TRIO: variants seen among roughly 807,000 people sequenced by gnomAD.
TRIO encodes the protein triple functional domain protein.
Under a neutral mutation model 351.9 loss-of-function variants are expected in TRIO, and 58 were observed. The ratio of observed to expected loss-of-function variants is 0.16; its 90% CI spans 0.13 to 0.21. The LOEUF is 0.21. Among genes scored for constraint, TRIO ranks in the 10% least tolerant of loss-of-function variants. TRIO has a pLI of 1.00. For missense variants in TRIO, 3,201 were observed against 4,027.8 expected (o/e 0.79, Z 5.56); for synonymous variants, 1,758 against 1,595.7 (o/e 1.10, Z -2.42).
At chr5:14,197,517 T>G (rs534032038) in intron 1 of TRIO, among the ~76,000 whole-genome samples, 1 of 152,320 alleles carries the variant, frequency 6.6e-6, no homozygotes, top group South Asian at 2.1e-4. Flanking sequence ...AGTCAGGGCT[T>G]TTGGTTGCAA....
In TRIO at chr5:14,291,237, G is replaced by A. The variant is rs368322561; in HGVS notation, c.1053+9G>A. On this transcript the variant is annotated intron_variant, in intron 5 of 56. Coordinates refer to ENST00000344204, the MANE Select transcript of TRIO (RefSeq NM_007118.4). ...AACAGGATGCTGAGAAGGTAAAGACGGGGGAGGCTAATGCCTCAGTGGACA... is the reference window on the plus strand; with the variant it reads ...AACAGGATGCTGAGAAGGTAAAGACAGGGGAGGCTAATGCCTCAGTGGACA... 3.4e-5 allele frequency: 55 copies of A among 1,607,236 alleles called. No individual in the cohort carries two copies. Among genetic ancestry groups the A allele is most frequent in the African/African-American group, 6.7e-5 (5 of 74,814 alleles).
At chr5:14,443,698 G>A (rs1752233198) in intron 34 of TRIO, among the ~76,000 whole-genome samples, 1 of 152,232 alleles carries the variant, frequency 6.6e-6, no homozygotes, top group African/African-American at 2.4e-5. Flanking sequence ...CTTGCTTGGA[G>A]TAATCTGCAC....
chr5:14,338,926 G>A (rs766963178), intron 11 of TRIO, among the ~76,000 whole-genome samples: 1 of 152,152 alleles, frequency 6.6e-6, no homozygotes, highest in Non-Finnish European at 1.5e-5. Context: ...TCTGAGGTAA[G>A]GGTCTAGCTT....
At chr5:14,202,294 ATTTTTTTTTTTTTTTTTTT>A (rs60827656) in intron 1 of TRIO, among the ~76,000 whole-genome samples, 118 of 33,558 alleles carry the variant, frequency 3.5e-3, no homozygotes, top group South Asian at 6.7e-3. Flanking sequence ...TATTTTTGTG[ATTTTTTTTTTTTTTTTTTT>A]TTTTTTTTTT....
At chr5:14,433,416 T>C (rs946511919) in intron 34 of TRIO, among the ~76,000 whole-genome samples, 1 of 152,164 alleles carries the variant, frequency 6.6e-6, no homozygotes, top group Admixed American at 6.5e-5. Flanking sequence ...CGGAGAAAAC[T>C]TCCTCTGAAC....
intron 1 of TRIO, among the ~76,000 whole-genome samples, chr5:14,186,783 G>A (rs766960263): frequency 2.0e-5 from 3 of 151,992 alleles, no homozygotes; most frequent in African/African-American, 4.8e-5. Flanking sequence ...TCACCATGTT[G>A]GCCAGGCTGG....
chr5:14,388,512 A>G, intron 23 of TRIO, 101 bp from the exon 24 acceptor site: 3 of 1,156,288 alleles, frequency 2.6e-6, no homozygotes, highest in Non-Finnish European at 3.8e-6. Flanking sequence ...ATCTAAGACT[A>G]ATACTTTTAG....
At chr5:14,235,149 A>G (rs1267318690) in intron 1 of TRIO, among the ~76,000 whole-genome samples, 1 of 152,138 alleles carries the variant, frequency 6.6e-6, no homozygotes, top group Non-Finnish European at 1.5e-5. Context: ...TTGTTACCCT[A>G]CCCATCCTGG....
intron 48 of TRIO, among the ~76,000 whole-genome samples, chr5:14,490,110 A>G (rs1416829793): frequency 6.6e-6 from 1 of 152,158 alleles, no homozygotes; most frequent in Non-Finnish European, 1.5e-5. Context: ...TCTACTAAAA[A>G]TAAAATTAGC....
chr5:14,455,352 G>A (rs960340317), intron 34 of TRIO, among the ~76,000 whole-genome samples: 1 of 152,086 alleles, frequency 6.6e-6, no homozygotes, highest in African/African-American at 2.4e-5. Context: ...GACACAGAGT[G>A]CTGATTGGTG....
intron 15 of TRIO, among the ~76,000 whole-genome samples, chr5:14,365,242 C>T (rs1205692194): frequency 6.6e-6 from 1 of 152,220 alleles, no homozygotes; most frequent in African/African-American, 2.4e-5. Flanking sequence ...ATACCACATC[C>T]TGATGGCATG....
chr5:14,382,986 TG>T (rs1425226676), intron 21 of TRIO, among the ~76,000 whole-genome samples: 1 of 152,176 alleles, frequency 6.6e-6, no homozygotes, highest in African/African-American at 2.4e-5. Context: ...GAACTTGCTC[TG>T]TTACCCAGGC....
At chr5:14,177,786 A>G (rs1366080859) in intron 1 of TRIO, among the ~76,000 whole-genome samples, 1 of 152,092 alleles carries the variant, frequency 6.6e-6, no homozygotes, top group Admixed American at 6.6e-5. Context: ...GGCTGAGTAT[A>G]TGGACTGCAG....
intron 10 of TRIO, among the ~76,000 whole-genome samples, chr5:14,336,073 T>C (rs574930253): frequency 5.3e-5 from 8 of 152,360 alleles, no homozygotes; most frequent in African/African-American, 1.7e-4. Context: ...TAGCAACTTA[T>C]GTTTGTTTGG....
chr5:14,296,016 T>C (rs1239699352), intron 6 of TRIO, among the ~76,000 whole-genome samples: 2 of 152,202 alleles, frequency 1.3e-5, no homozygotes, highest in African/African-American at 4.8e-5. Context: ...AAGTGAGTTC[T>C]TTCAGCTGCT....
chr5:14,348,294 C>T (rs1315067641), intron 11 of TRIO, among the ~76,000 whole-genome samples: 1 of 152,196 alleles, frequency 6.6e-6, no homozygotes, highest in Non-Finnish European at 1.5e-5. Flanking sequence ...ATAATATCCT[C>T]GAACAGATTA....
chr5:14,505,211 C>T (rs1367164091), intron 55 of TRIO, among the ~76,000 whole-genome samples: 3 of 152,238 alleles, frequency 2.0e-5, no homozygotes, highest in African/African-American at 4.8e-5. Flanking sequence ...GAGCGGTTCT[C>T]ATCTAGGGGT....
At chr5:14,471,113 T>C (rs113771775) in intron 37 of TRIO, among the ~76,000 whole-genome samples, 2 of 152,214 alleles carry the variant, frequency 1.3e-5, no homozygotes, top group African/African-American at 2.4e-5. Context: ...CATTCCAACT[T>C]TTTTCTCCAC....
intron 1 of TRIO, among the ~76,000 whole-genome samples, chr5:14,254,275 C>A (rs1794908371): frequency 6.6e-6 from 1 of 152,030 alleles, no homozygotes; most frequent in East Asian, 1.9e-4. Flanking sequence ...CCTCCGCCTC[C>A]CAGGTTCAAG....
Sources: gnomAD v4.1 joint callset for allele counts (sites outside exome capture counted in the v4.1 genomes callset) on GRCh38, gnomAD v4.1.1 for gene constraint, MANE v1.5 for transcripts, NCBI Gene and HGNC (gene_info 2026-07-23, HGNC 2026-07-21) for gene names.